Variants in CSMD1 observed in about 807,000 individuals in gnomAD.
CSMD1 encodes CUB and sushi domain-containing protein 1.
In CSMD1, 213 loss-of-function variants were observed where a neutral mutation model predicts 417.5. The observed-to-expected ratio is 0.51, with a 90% CI of 0.46 to 0.57. CSMD1 has a LOEUF of 0.57. CSMD1 is among the 20% of genes least tolerant of loss of function. The probability of loss-of-function intolerance (pLI) is 0.00; values close to 1 mark genes in which losing one functional copy is unlikely to be tolerated. For synonymous variants in CSMD1, 2,862 were observed against 1,736.8 expected (o/e 1.65, Z -16.11); for missense variants, 6,923 against 4,529.7 (o/e 1.53, Z -15.17).
In CSMD1 at chr8:3,378,356, T is replaced by G. The variant is rs191086853; in HGVS notation, c.2783-8986A>C. ...CTGGTACCATTCCTTCTGAAACTAT[T>G]CCAGACAATAAAAAAGAGGGACTCC... On this transcript the variant is annotated intron_variant, in intron 18 of 69. Coordinates refer to ENST00000635120, the MANE Select transcript of CSMD1 (RefSeq NM_033225.6). Among the ~76,000 whole-genome samples the G allele has an allele frequency of 3.9e-4, 59 of 152,176 alleles. No homozygotes were observed. In the South Asian group the frequency reaches 0.01, roughly 26 times the overall value.
At chr8:4,350,471 G>A (rs1045487591) in intron 3 of CSMD1, among the ~76,000 whole-genome samples, 4 of 152,162 alleles carry the variant, frequency 2.6e-5, no homozygotes, top group Admixed American at 2.0e-4. Flanking sequence ...CTCTTTGCCT[G>A]CTACAAACCA....
Position 4,175,295 on chromosome 8 carries a change from G to A in CSMD1, c.416-143196C>T, listed in dbSNP as rs910428395. On this transcript the variant is annotated intron_variant, in intron 3 of 69. Coordinates refer to ENST00000635120, the MANE Select transcript of CSMD1 (RefSeq NM_033225.6). The stretch of plus-strand genomic sequence containing the variant: ...TCTCTGCTGATGGGTCATATCCTTA[G>A]GACAGTGAATCTTCCATTGTTTAGG... Among the ~76,000 whole-genome samples the A allele has an allele frequency of 7.2e-5, 11 of 152,070 alleles. No individual in the cohort carries two copies. The South Asian group carries it at 8.3e-4, about 11-fold the overall frequency.
intron 3 of CSMD1, among the ~76,000 whole-genome samples, chr8:4,355,502 G>A (rs1025689140): frequency 1.8e-4 from 28 of 152,086 alleles, no homozygotes; most frequent in African/African-American, 5.3e-4. Flanking sequence ...GAATGAAAGG[G>A]AACATTCAGT....
At chr8:4,384,843 G>C (rs137916313) in intron 3 of CSMD1, among the ~76,000 whole-genome samples, 2 of 152,088 alleles carry the variant, frequency 1.3e-5, no homozygotes, top group Admixed American at 6.5e-5. Flanking sequence ...TAGAGAAAGA[G>C]GCTACTGTTT....
At chr8:4,560,832 CA>C (rs1388541752) in intron 2 of CSMD1, among the ~76,000 whole-genome samples, 2 of 152,190 alleles carry the variant, frequency 1.3e-5, no homozygotes, top group Non-Finnish European at 2.9e-5. Flanking sequence ...CTGTCCTTCA[CA>C]AGAGATGTTC....
At chr8:3,849,006 C>G (rs2975386) in intron 5 of CSMD1, among the ~76,000 whole-genome samples, 1 of 151,400 alleles carries the variant, frequency 6.6e-6, no homozygotes, top group African/African-American at 2.4e-5. Context: ...GACTTTCATA[C>G]AGAAGGTTCT....
At chr8:3,953,476 G>A (rs1042252334) in intron 5 of CSMD1, among the ~76,000 whole-genome samples, 3 of 152,136 alleles carry the variant, frequency 2.0e-5, no homozygotes, top group African/African-American at 7.2e-5. Flanking sequence ...CACACAGAGA[G>A]AGGTGTATGG....
chr8:4,199,164 G>A (rs1799507059), intron 3 of CSMD1, among the ~76,000 whole-genome samples: 1 of 152,126 alleles, frequency 6.6e-6, no homozygotes, highest in Non-Finnish European at 1.5e-5. Context: ...ATCCAGCACA[G>A]CACTGGGGAT....
chr8:4,171,303 C>T (rs772569515), intron 3 of CSMD1, among the ~76,000 whole-genome samples: 2 of 151,866 alleles, frequency 1.3e-5, no homozygotes, highest in Non-Finnish European at 2.9e-5. Context: ...CAACCCTACG[C>T]CAGGCTGTTT....
chr8:4,208,487 C>T (rs752969321), intron 3 of CSMD1, among the ~76,000 whole-genome samples: 11 of 152,088 alleles, frequency 7.2e-5, no homozygotes, highest in African/African-American at 1.2e-4. Context: ...TATTCATCTG[C>T]GTTCTGTAGT....
chr8:3,586,277 G>T lies in CSMD1; in HGVS notation c.1098-17C>A. 38 of 1,377,694 alleles carry T rather than the reference G, an allele frequency of 2.8e-5. No individual in the cohort carries two copies. In the East Asian group the frequency reaches 3.5e-4, roughly 13 times the overall value. 85.3% of individuals were successfully genotyped at this position (1,377,694 alleles called of 1,614,324 possible). On this transcript the variant is annotated splice_polypyrimidine_tract_variant and intron_variant, in intron 8 of 69. Coordinates refer to ENST00000635120, the MANE Select transcript of CSMD1 (RefSeq NM_033225.6). Reference sequence around the variant, plus strand: ...GCACCAACCCTAAGCCGTTAAAAAAGAAAAAAAAAAACCCAAATTATTTAC... The same window carrying T: ...GCACCAACCCTAAGCCGTTAAAAAATAAAAAAAAAAACCCAAATTATTTAC...
intron 18 of CSMD1, among the ~76,000 whole-genome samples, chr8:3,386,286 C>T (rs1810998951): frequency 6.6e-6 from 1 of 152,234 alleles, no homozygotes. Context: ...TGGCTCATGT[C>T]AGGCTGCACC....
At chr8:4,280,930 T>C (rs1012219037) in intron 3 of CSMD1, among the ~76,000 whole-genome samples, 2 of 152,244 alleles carry the variant, frequency 1.3e-5, no homozygotes, top group South Asian at 2.1e-4. Context: ...AAAGTAGATA[T>C]ACATATCCAC....
chr8:4,967,163 T>A (rs989689928), intron 1 of CSMD1, among the ~76,000 whole-genome samples: 2 of 152,166 alleles, frequency 1.3e-5, no homozygotes, highest in Admixed American at 6.5e-5. Flanking sequence ...ATTCGGAAAA[T>A]AATTTTAAAC....
chr8:4,400,963 T>G (rs201565986), intron 3 of CSMD1, among the ~76,000 whole-genome samples: 1 of 15,778 alleles, frequency 6.3e-5, no homozygotes. Flanking sequence ...TATTATGTCT[T>G]ATATTCCCTA....
chr8:3,839,141 A>ATC (rs1358885638), intron 5 of CSMD1, among the ~76,000 whole-genome samples: 4 of 127,092 alleles, frequency 3.1e-5, no homozygotes, highest in African/African-American at 5.8e-5. Context: ...CTAGATATAT[A>ATC]TAGTCTATAT....
chr8:4,096,109 G>C (rs959890158), intron 3 of CSMD1, among the ~76,000 whole-genome samples: 8 of 152,086 alleles, frequency 5.3e-5, no homozygotes, highest in African/African-American at 1.7e-4. Context: ...TTGTTGGATG[G>C]TTCCTCAAAA....
At chr8:3,296,167 C>G (rs564771893) in intron 25 of CSMD1, among the ~76,000 whole-genome samples, 6 of 151,796 alleles carry the variant, frequency 4.0e-5, no homozygotes, top group Non-Finnish European at 5.9e-5. Context: ...GAAGGGGAAG[C>G]CTGAAGTATT....
At chr8:3,668,506 G>C (rs1374342155) in intron 7 of CSMD1, among the ~76,000 whole-genome samples, 1 of 152,194 alleles carries the variant, frequency 6.6e-6, no homozygotes, top group Non-Finnish European at 1.5e-5. Context: ...GAGAGAGTTT[G>C]TCTGACTGGG....
Sources: gnomAD v4.1 joint callset for allele counts (sites outside exome capture counted in the v4.1 genomes callset) on GRCh38, gnomAD v4.1.1 for gene constraint, MANE v1.5 for transcripts, NCBI Gene and HGNC (gene_info 2026-07-23, HGNC 2026-07-21) for gene names.